ZFHX3: variants seen among roughly 807,000 people sequenced by gnomAD.
ZFHX3 encodes the protein zinc finger homeobox 3.
Under a neutral mutation model 279.1 loss-of-function variants are expected in ZFHX3, and 42 were observed. The observed-to-expected ratio is 0.15, with a 90% CI of 0.12 to 0.19. The LOEUF (loss-of-function observed/expected upper bound fraction) is 0.19, where lower values mean the gene tolerates loss of function less well. Among genes scored for constraint, ZFHX3 ranks in the 10% least tolerant of loss-of-function variants. The probability of loss-of-function intolerance (pLI) is 1.00; values close to 1 mark genes in which losing one functional copy is unlikely to be tolerated. For synonymous variants in ZFHX3, 2,293 were observed against 1,957.8 expected, an observed-to-expected ratio of 1.17 and a Z score of -4.52; for missense variants, 4,981 against 4,754.0, an observed-to-expected ratio of 1.05 and a Z score of -1.40.
chr16:73,676,857 A>G (rs1356284752), intron 2 of ZFHX3, among the ~76,000 whole-genome samples: 1 of 152,046 alleles, frequency 6.6e-6, no homozygotes, highest in Non-Finnish European at 1.5e-5. Context: ...AAACACAAGA[A>G]GTGGGCAAAG....
rs538950052 is a variant in ZFHX3 at position 73,203,620 on chromosome 16, A to G, written c.-1104+53427T>C. On this transcript the variant is annotated intron_variant, in intron 5 of 17. Coordinates refer to the ZFHX3 transcript ENST00000641206. ...ACCATTCAAACAAATTCTGAGCTGG[A>G]CAGGAGACTCTTCCTAGCTTTGGAT... is the stretch of plus-strand genomic sequence containing the variant. Among the ~76,000 whole-genome samples, 25 of 152,340 alleles carry G rather than the reference A, an allele frequency of 1.6e-4. No homozygotes were observed. The South Asian group carries it at 4.8e-3, about 29-fold the overall frequency.
chr16:73,333,225 A>G (rs2015840148), intron 3 of ZFHX3, among the ~76,000 whole-genome samples: 1 of 152,240 alleles, frequency 6.6e-6, no homozygotes, highest in East Asian at 1.9e-4. Context: ...AGATACATAA[A>G]TAGAAAGATA....
chr16:73,740,475 C>T (rs577944353), intron 1 of ZFHX3, among the ~76,000 whole-genome samples: 1 of 152,126 alleles, frequency 6.6e-6, no homozygotes, highest in African/African-American at 2.4e-5. Flanking sequence ...AGCCCAGATC[C>T]GTCATTGGCT....
At chr16:72,870,117 T>C (rs2038118373) in intron 4 of ZFHX3, among the ~76,000 whole-genome samples, 1 of 152,132 alleles carries the variant, frequency 6.6e-6, no homozygotes, top group African/African-American at 2.4e-5. Context: ...GATTAAAGAA[T>C]ATGGGCCAGG....
intron 7 of ZFHX3, among the ~76,000 whole-genome samples, chr16:72,800,777 G>A (rs541345783): frequency 6.6e-6 from 1 of 152,278 alleles, no homozygotes; most frequent in South Asian, 2.1e-4. Flanking sequence ...TTCTTCTGGA[G>A]TCTCTGCCCA....
chr16:73,187,332 G>A (rs1296536838), intron 5 of ZFHX3, among the ~76,000 whole-genome samples: 5 of 147,680 alleles, frequency 3.4e-5, no homozygotes, highest in African/African-American at 1.2e-4. Context: ...TTCTCAGATA[G>A]TAAAGAGGGA....
intron 5 of ZFHX3, among the ~76,000 whole-genome samples, chr16:73,186,171 A>G (rs890867553): frequency 1.3e-5 from 2 of 152,168 alleles, no homozygotes; most frequent in Non-Finnish European, 2.9e-5. Flanking sequence ...AATTCATTAT[A>G]TGTTACAATG....
chr16:72,852,169 G>A (rs980129710), intron 4 of ZFHX3, among the ~76,000 whole-genome samples: 9 of 151,352 alleles, frequency 5.9e-5, no homozygotes, highest in African/African-American at 1.7e-4. Flanking sequence ...TCTTAATTTT[G>A]ATCTGTTGAT....
At chr16:73,732,827 G>A (rs972786883) in intron 1 of ZFHX3, among the ~76,000 whole-genome samples, 2 of 152,182 alleles carry the variant, frequency 1.3e-5, no homozygotes, top group African/African-American at 4.8e-5. Context: ...GTGGTGGTGA[G>A]AGAAGTATTT....
intron 3 of ZFHX3, among the ~76,000 whole-genome samples, chr16:73,414,989 T>C (rs1372777446): frequency 1.3e-5 from 2 of 152,218 alleles, no homozygotes; most frequent in Non-Finnish European, 2.9e-5. Context: ...TCCTCATCTC[T>C]GGATTCTTCT....
Position 73,362,870 on chromosome 16 carries a change from T to G in ZFHX3, c.-1290-44534A>C, listed in dbSNP as rs746078774. ...ACAAAACTCCTGGCAGCTTTGTATC[T>G]CTTTAGTTATCATGCTTAGTTTATA... On this transcript the variant is annotated intron_variant, in intron 3 of 17. Transcript: ENST00000641206. 6.6e-5 allele frequency among the ~76,000 whole-genome samples: 10 copies of G among 152,264 alleles called. 1 individual carries two copies. The highest frequency in any genetic ancestry group is 1.5e-5 in the Non-Finnish European group (1 of 68,052).
At chr16:73,429,530 A>C (rs935538104) in intron 3 of ZFHX3, among the ~76,000 whole-genome samples, 3 of 151,988 alleles carry the variant, frequency 2.0e-5, no homozygotes, top group Admixed American at 6.6e-5. Context: ...ATGGGGTTTC[A>C]TCATGTTGGC....
chr16:73,852,319 C>G (rs1961612365), intron 1 of ZFHX3, among the ~76,000 whole-genome samples: 1 of 152,180 alleles, frequency 6.6e-6, no homozygotes, highest in African/African-American at 2.4e-5. Context: ...TGAGTCTACT[C>G]ACAGGTGTAG....
rs61410044 is a variant in ZFHX3, at chr16:73,502,114, G to GA, written c.-1546-45857dup. Among the ~76,000 whole-genome samples the GA allele has an allele frequency of 6.7e-3, 1,011 of 151,804 alleles. 16 individuals are homozygous for GA. Among genetic ancestry groups the GA allele is most frequent in the African/African-American group, 0.023 (961 of 41,398 alleles). ...TAAAAGTTACTAATCGGGGGTGGGG[G>GA]AAAAAAAGCCCATAGATGAAGAAAC... On this transcript the variant is annotated intron_variant, in intron 2 of 17. Coordinates refer to the ZFHX3 transcript ENST00000641206.
At chr16:73,561,683 C>T (rs556559089) in intron 2 of ZFHX3, among the ~76,000 whole-genome samples, 5 of 152,180 alleles carry the variant, frequency 3.3e-5, no homozygotes, top group African/African-American at 1.2e-4. Context: ...TAACTCTCTC[C>T]CAGTGATTTC....
At chr16:73,722,690 C>T (rs868751773) in intron 1 of ZFHX3, among the ~76,000 whole-genome samples, 2 of 152,232 alleles carry the variant, frequency 1.3e-5, no homozygotes, top group Middle Eastern at 3.4e-3. Context: ...AACCATGACA[C>T]ATTTAATGAA....
intron 4 of ZFHX3, among the ~76,000 whole-genome samples, chr16:73,306,678 T>C (rs1282472238): frequency 6.6e-6 from 1 of 152,196 alleles, no homozygotes; most frequent in Non-Finnish European, 1.5e-5. Flanking sequence ...TTGGAGATGA[T>C]GACAAGAATC....
chr16:73,547,755 C>T (rs1196656768), intron 2 of ZFHX3, among the ~76,000 whole-genome samples: 2 of 152,196 alleles, frequency 1.3e-5, no homozygotes, highest in Non-Finnish European at 2.9e-5. Context: ...CCCAGTGACA[C>T]ATCCTGGCTC....
chr16:72,995,834 C>T (rs118135835), intron 1 of ZFHX3, among the ~76,000 whole-genome samples: 89 of 152,300 alleles, frequency 5.8e-4, no homozygotes, highest in Non-Finnish European at 1.1e-3. Context: ...GTCAAATGAG[C>T]ACATATGAGA....
Sources: allele counts gnomAD v4.1 joint callset (sites outside exome capture counted in the v4.1 genomes callset), GRCh38; gene constraint gnomAD v4.1.1; transcripts MANE v1.5; gene names NCBI Gene and HGNC (gene_info 2026-07-23, HGNC 2026-07-21).